Variants in WDFY2 observed in about 807,000 individuals in gnomAD.
WDFY2 encodes the protein WD repeat and FYVE domain-containing protein 2.
In WDFY2, 36 loss-of-function variants were observed where a neutral mutation model predicts 56.4. That is an observed-to-expected ratio of 0.64 (90% CI 0.49 to 0.84). The LOEUF is 0.84. Among genes scored for constraint, WDFY2 ranks in the 40% least tolerant of loss-of-function variants. The pLI is 0.00. For missense variants in WDFY2, 444 were observed against 512.2 expected, an observed-to-expected ratio of 0.87 and a Z score of 1.29; for synonymous variants, 176 against 183.7, an observed-to-expected ratio of 0.96 and a Z score of 0.34.
intron 1 of WDFY2, among the ~76,000 whole-genome samples, chr13:51,585,793 G>A (rs1240233145): frequency 6.6e-6 from 1 of 152,186 alleles, no homozygotes; most frequent in Non-Finnish European, 1.5e-5. Flanking sequence ...ATCATGCAGA[G>A]GTAAAGTATC....
chr13:51,746,928 A>G (rs957494525), intron 7 of WDFY2, among the ~76,000 whole-genome samples: 2 of 152,266 alleles, frequency 1.3e-5, no homozygotes, highest in Non-Finnish European at 2.9e-5. Context: ...TCAAGAAGCC[A>G]TCTGCATCCA....
chr13:51,699,452 G>A (rs371177578), intron 3 of WDFY2, among the ~76,000 whole-genome samples: 4 of 152,176 alleles, frequency 2.6e-5, no homozygotes, highest in Non-Finnish European at 4.4e-5. Context: ...CACTGCTGCC[G>A]ATATTGCACC....
At chr13:51,606,455 T>G (rs186104790) in intron 1 of WDFY2, among the ~76,000 whole-genome samples, 123 of 152,350 alleles carry the variant, frequency 8.1e-4, no homozygotes, top group Non-Finnish European at 1.3e-3. Flanking sequence ...TATAACTAGG[T>G]ATTTGGGAAA....
chr13:51,619,979 T>C (rs1399224030), intron 1 of WDFY2, among the ~76,000 whole-genome samples: 1 of 152,202 alleles, frequency 6.6e-6, no homozygotes, highest in East Asian at 1.9e-4. Flanking sequence ...AAAGTATGTA[T>C]GGAGGCAGCT....
At chr13:51,654,205 G>T (rs926250889) in intron 1 of WDFY2, among the ~76,000 whole-genome samples, 1 of 152,248 alleles carries the variant, frequency 6.6e-6, no homozygotes, top group Non-Finnish European at 1.5e-5. Flanking sequence ...CTCCGAGCCA[G>T]GCGCGGGATA....
intron 1 of WDFY2, among the ~76,000 whole-genome samples, chr13:51,585,874 C>T (rs1953927712): frequency 6.6e-6 from 1 of 152,154 alleles, no homozygotes; most frequent in Non-Finnish European, 1.5e-5. Flanking sequence ...GTCATTTCCG[C>T]ACTTAGCATA....
intron 3 of WDFY2, among the ~76,000 whole-genome samples, chr13:51,690,720 A>G (rs1956138507): frequency 6.6e-6 from 1 of 152,108 alleles, no homozygotes; most frequent in Non-Finnish European, 1.5e-5. Context: ...CAGTAATGGG[A>G]TGGCTGGGTC....
chr13:51,699,516 A>G (rs182901325), intron 3 of WDFY2, among the ~76,000 whole-genome samples: 183 of 152,328 alleles, frequency 1.2e-3, no homozygotes, highest in Admixed American at 3.9e-3. Flanking sequence ...TCAGAGAACC[A>G]GGCTACAGCA....
chr13:51,720,298 CTT>C (rs1021192359), intron 5 of WDFY2, among the ~76,000 whole-genome samples: 4 of 152,162 alleles, frequency 2.6e-5, no homozygotes, highest in Non-Finnish European at 5.9e-5. Flanking sequence ...TAATATCACT[CTT>C]ATTTTTCTCA....
intron 1 of WDFY2, among the ~76,000 whole-genome samples, chr13:51,644,965 G>A (rs1181950507): frequency 6.6e-6 from 1 of 152,118 alleles, no homozygotes; most frequent in African/African-American, 2.4e-5. Flanking sequence ...GTAGAAGATT[G>A]GGTTTAGGTT....
chr13:51,664,378 G>T (rs985906227), intron 2 of WDFY2, among the ~76,000 whole-genome samples: 3 of 152,204 alleles, frequency 2.0e-5, no homozygotes, highest in African/African-American at 7.2e-5. Flanking sequence ...GCTAGTCTCA[G>T]CCTGGGCAGG....
chr13:51,732,390 G>A lies in WDFY2; in HGVS notation c.598+4600G>A, dbSNP rs546226612. ...CTGCCTCGGCCTCCCAAAGTGTTGGGATTACAGGCATGAGCCACCGTACGT... is the reference window on the plus strand; with the variant it reads ...CTGCCTCGGCCTCCCAAAGTGTTGGAATTACAGGCATGAGCCACCGTACGT... On this transcript the variant is annotated intron_variant, in intron 6 of 11. Transcript: ENST00000298125. Among the ~76,000 whole-genome samples, 502 of 152,266 alleles carry A rather than the reference G, an allele frequency of 3.3e-3. 2 individuals carry two copies. Among genetic ancestry groups the A allele is most frequent in the African/African-American group, 0.012 (482 of 41,558 alleles).
At chr13:51,603,109 A>G (rs1193723078) in intron 1 of WDFY2, among the ~76,000 whole-genome samples, 2 of 152,212 alleles carry the variant, frequency 1.3e-5, no homozygotes, top group South Asian at 2.1e-4. Context: ...ATGGACCACC[A>G]TAAAGTTCAT....
intron 1 of WDFY2, among the ~76,000 whole-genome samples, chr13:51,631,539 C>T (rs1954952878): frequency 6.6e-6 from 1 of 152,114 alleles, no homozygotes; most frequent in African/African-American, 2.4e-5. Flanking sequence ...TTCTCCTAAG[C>T]CATGTGATCA....
At chr13:51,685,896 A>G (rs980083052) in intron 3 of WDFY2, among the ~76,000 whole-genome samples, 25 of 152,280 alleles carry the variant, frequency 1.6e-4, no homozygotes, top group African/African-American at 4.8e-4. Context: ...TGGAATGGCA[A>G]TATTTTTTGA....
chr13:51,703,435 T>C (rs1443895966), intron 3 of WDFY2, among the ~76,000 whole-genome samples, 161 bp from the exon 4 acceptor site: 1 of 152,226 alleles, frequency 6.6e-6, no homozygotes, highest in Non-Finnish European at 1.5e-5. Context: ...TAATTTTGAT[T>C]GTTACTTTTA....
intron 1 of WDFY2, among the ~76,000 whole-genome samples, chr13:51,637,924 A>G (rs1156889457): frequency 6.6e-6 from 1 of 152,216 alleles, no homozygotes; most frequent in Non-Finnish European, 1.5e-5. Flanking sequence ...TGTTTAGTAA[A>G]CATTACCAGT....
intron 7 of WDFY2, among the ~76,000 whole-genome samples, chr13:51,749,181 T>C (rs7324516): frequency 0.022 from 3,306 of 152,314 alleles, 112 homozygotes; most frequent in African/African-American, 0.074. Flanking sequence ...GGATTCATCA[T>C]TGCTATTTTC....
At chr13:51,679,813 G>T (rs1209897051) in intron 3 of WDFY2, among the ~76,000 whole-genome samples, 2 of 152,030 alleles carry the variant, frequency 1.3e-5, no homozygotes, top group Admixed American at 1.3e-4. Context: ...GCTTCTGGTG[G>T]TTGCTAGCAA....
Sources: gnomAD v4.1 joint callset for allele counts (sites outside exome capture counted in the v4.1 genomes callset) on GRCh38, gnomAD v4.1.1 for gene constraint, MANE v1.5 for transcripts, NCBI Gene and HGNC (gene_info 2026-07-23, HGNC 2026-07-21) for gene names.